The following C8orf34 variants were observed in gnomAD, a reference collection of about 807,000 sequenced individuals.
The protein encoded by C8orf34 is uncharacterized protein C8orf34.
Under a neutral mutation model 68.3 loss-of-function variants are expected in C8orf34, and 65 were observed. The ratio of observed to expected loss-of-function variants is 0.95; its 90% CI spans 0.78 to 1.17. The LOEUF is 1.17. Among genes scored for constraint, C8orf34 ranks in the 50% most tolerant of loss-of-function variants. The pLI is 0.00. For synonymous variants in C8orf34, 244 were observed against 241.2 expected (o/e 1.01, Z -0.11); for missense variants, 664 against 655.4 (o/e 1.01, Z -0.14).
At chr8:68,627,504 A>T (rs1390825128) in intron 7 of C8orf34, among the ~76,000 whole-genome samples, 1 of 152,198 alleles carries the variant, frequency 6.6e-6, no homozygotes, top group Non-Finnish European at 1.5e-5. Flanking sequence ...ACAATCTCTA[A>T]CCTCTGTCTG....
At chr8:68,667,458 C>A (rs1819875575) in intron 8 of C8orf34, among the ~76,000 whole-genome samples, 1 of 152,040 alleles carries the variant, frequency 6.6e-6, no homozygotes, top group Admixed American at 6.6e-5. Flanking sequence ...ACTTCTGTAC[C>A]AGATTTTCCT....
chr8:68,533,623 G>A (rs189998383), intron 7 of C8orf34: 37 of 984,876 alleles, frequency 3.8e-5, no homozygotes, highest in African/African-American at 2.1e-4. Context: ...TATGTTTTCC[G>A]TAAATGACGG....
rs1051797703 is a variant in C8orf34, at chr8:68,439,428, G to A, written c.328-71G>A. ...AGACCAGTACCTGACAATATTACAT[G>A]CTAAGTAAGTGCTTGCTATTACTGT... On this transcript the variant is annotated intron_variant, in intron 1 of 13. Coordinates refer to ENST00000518698, the MANE Select transcript of C8orf34 (RefSeq NM_052958.4). The A allele has an allele frequency of 2.1e-6, 3 of 1,441,992 alleles. No individual in the cohort carries two copies. The African/African-American group carries it at 4.3e-5, about 20-fold the overall frequency. The allele number at this position is 1,441,992 out of a possible 1,614,324, so 89.3% of individuals were successfully genotyped here.
chr8:68,678,679 G>T (rs902608592), intron 8 of C8orf34, among the ~76,000 whole-genome samples: 13 of 152,068 alleles, frequency 8.5e-5, no homozygotes, highest in African/African-American at 3.1e-4. Context: ...CTAAGATCTG[G>T]AACACAGCAA....
At chr8:68,746,927 A>G (rs1822518065) in intron 10 of C8orf34, among the ~76,000 whole-genome samples, 1 of 151,944 alleles carries the variant, frequency 6.6e-6, no homozygotes, top group Admixed American at 6.6e-5. Context: ...CAGAGACACA[A>G]CCAAAAAAGA....
chr8:68,511,333 T>A (rs1465829872), intron 5 of C8orf34, among the ~76,000 whole-genome samples: 1 of 152,142 alleles, frequency 6.6e-6, no homozygotes, highest in Non-Finnish European at 1.5e-5. Flanking sequence ...TACTGCTGTG[T>A]CATTCCCCTA....
chr8:68,724,338 C>CA (rs1821766031), intron 10 of C8orf34, among the ~76,000 whole-genome samples: 1 of 152,282 alleles, frequency 6.6e-6, no homozygotes, highest in East Asian at 1.9e-4. Flanking sequence ...AATTTTGAGT[C>CA]ATATCCTGTA....
Position 68,589,771 on chromosome 8 carries a change from G to T in C8orf34, c.1106-50605G>T, listed in dbSNP as rs58447993. Among the ~76,000 whole-genome samples, 543 of 144,822 alleles carry T rather than the reference G, an allele frequency of 3.7e-3. 6 individuals are homozygous for T. The highest frequency in any genetic ancestry group is 0.013 in the African/African-American group (516 of 39,236). ...AGAGGAAAGGAAGGAAGGAGAGAGA[G>T]AAATAAGGAAGGTGGAGAGAGAAGG... On this transcript the variant is annotated intron_variant, in intron 7 of 13. Coordinates refer to ENST00000518698, the MANE Select transcript of C8orf34 (RefSeq NM_052958.4).
At chr8:68,398,293 A>C (rs1808803747) in intron 1 of C8orf34, among the ~76,000 whole-genome samples, 1 of 152,290 alleles carries the variant, frequency 6.6e-6, no homozygotes, top group South Asian at 2.1e-4. Context: ...AAGCCTACTA[A>C]GTATGCTAAA....
At chr8:68,372,972 A>T (rs75280042) in intron 1 of C8orf34, among the ~76,000 whole-genome samples, 4,190 of 152,186 alleles carry the variant, frequency 0.028, 78 homozygotes, top group Middle Eastern at 0.058. Flanking sequence ...AGAAATGATC[A>T]TTTCTTTTTA....
intron 6 of C8orf34, among the ~76,000 whole-genome samples, chr8:68,523,032 A>G (rs1405725049): frequency 6.6e-6 from 1 of 152,202 alleles, no homozygotes; most frequent in Admixed American, 6.5e-5. Flanking sequence ...AAGGAAATTC[A>G]GAATACTCAT....
chr8:68,803,545 G>C (rs1204530158), intron 12 of C8orf34, among the ~76,000 whole-genome samples: 1 of 151,824 alleles, frequency 6.6e-6, no homozygotes, highest in Non-Finnish European at 1.5e-5. Context: ...CATCATACTT[G>C]ATGAATTACT....
chr8:68,331,525 G>C (rs1805591341), intron 1 of C8orf34, 186 bp downstream of exon 1: 1 of 690,202 alleles, frequency 1.4e-6, no homozygotes, highest in African/African-American at 1.8e-5. Flanking sequence ...AACGCGGCCG[G>C]GCGGGCACTT....
chr8:68,597,345 A>G (rs1003110757), intron 7 of C8orf34, among the ~76,000 whole-genome samples: 1 of 152,124 alleles, frequency 6.6e-6, no homozygotes, highest in Non-Finnish European at 1.5e-5. Flanking sequence ...GATTTTTAAA[A>G]TATGTATGAA....
intron 7 of C8orf34, among the ~76,000 whole-genome samples, chr8:68,549,042 A>G (rs1815978836): frequency 6.6e-6 from 1 of 151,784 alleles, no homozygotes; most frequent in African/African-American, 2.4e-5. Context: ...CTTTAAAAGA[A>G]GAGCAACAGA....
intron 10 of C8orf34, among the ~76,000 whole-genome samples, chr8:68,734,018 A>AT (rs879865392): frequency 1.3e-5 from 2 of 151,956 alleles, no homozygotes; most frequent in African/African-American, 4.8e-5. Flanking sequence ...AGTTTCACTA[A>AT]TTTTTTTTAT....
At chr8:68,351,688 T>A (rs1452722318) in intron 1 of C8orf34, among the ~76,000 whole-genome samples, 2 of 152,052 alleles carry the variant, frequency 1.3e-5, no homozygotes, top group Admixed American at 1.3e-4. Context: ...TTTGTGGACA[T>A]AAGTTTTCAA....
intron 7 of C8orf34, among the ~76,000 whole-genome samples, chr8:68,622,437 C>G (rs1046175888): frequency 1.3e-5 from 2 of 151,680 alleles, no homozygotes; most frequent in Non-Finnish European, 2.9e-5. Flanking sequence ...TTCTTTCTGA[C>G]ATATGACGCT....
At chr8:68,759,311 C>A (rs565612499) in intron 10 of C8orf34, among the ~76,000 whole-genome samples, 40 of 152,262 alleles carry the variant, frequency 2.6e-4, no homozygotes, top group African/African-American at 8.9e-4. Context: ...AAGTTAACAT[C>A]TGTTAACTAG....
Sources: allele counts gnomAD v4.1 joint callset (sites outside exome capture counted in the v4.1 genomes callset), GRCh38; gene constraint gnomAD v4.1.1; transcripts MANE v1.5; gene names NCBI Gene and HGNC (gene_info 2026-07-23, HGNC 2026-07-21).